Variants in ZDHHC2 observed in about 807,000 individuals in gnomAD.
ZDHHC2 encodes the protein palmitoyltransferase ZDHHC2.
In ZDHHC2, 51 loss-of-function variants were observed where a neutral mutation model predicts 55.6. That is an observed-to-expected ratio of 0.92 (90% CI 0.73 to 1.16). The LOEUF is 1.16. ZDHHC2 is among the 50% of genes most tolerant of loss of function. The pLI, the probability that ZDHHC2 is intolerant of heterozygous loss-of-function variation, is 0.00. For synonymous variants in ZDHHC2, 199 were observed against 152.9 expected (o/e 1.30, Z -2.22); for missense variants, 491 against 442.4 (o/e 1.11, Z -0.99).
chr8:17,224,596 G>GA lies in ZDHHC2; in HGVS notation c.*4384dup, dbSNP rs376115400. ...GATTGATAAAGGTGCTTAATCAATT[G>GA]AAAAAAAAACGCATAATGCTTCAAG... On this transcript the variant is annotated 3_prime_UTR_variant, in exon 13 of 13. Coordinates refer to ENST00000262096, the MANE Select transcript of ZDHHC2 (RefSeq NM_016353.5). The GA allele has an allele frequency of 6.9e-3, 1,016 of 147,890 alleles. 7 individuals are homozygous for GA. Among genetic ancestry groups the GA allele is most frequent in the African/African-American group, 0.023 (940 of 40,460 alleles). 9.2% of individuals were successfully genotyped at this position (147,890 alleles called of 1,614,324 possible).
At position 17,170,288 on chromosome 8, in the gene ZDHHC2, T is replaced by G. The variant is rs146393087; in HGVS notation, c.130+13435T>G. 4.7e-3 allele frequency among the ~76,000 whole-genome samples: 717 copies of G among 152,356 alleles called. 3 individuals carry two copies. Among genetic ancestry groups the G allele is most frequent in the Admixed American group, 0.012 (177 of 15,304 alleles). On this transcript the variant is annotated intron_variant, in intron 1 of 12. Coordinates refer to ENST00000262096, the MANE Select transcript of ZDHHC2 (RefSeq NM_016353.5). Reference sequence around the variant, plus strand: ...AATAGCTGGATACTCTCGAATGTTTTAATAGATATTGTGACCCAGTGCTAT... The same window carrying G: ...AATAGCTGGATACTCTCGAATGTTTGAATAGATATTGTGACCCAGTGCTAT...
chr8:17,185,195 A>G (rs1394127503), intron 2 of ZDHHC2, among the ~76,000 whole-genome samples: 1 of 152,234 alleles, frequency 6.6e-6, no homozygotes. Flanking sequence ...TAATGATTCT[A>G]TGAGTATCCT....
chr8:17,192,266 A>G (rs568606283), intron 3 of ZDHHC2, among the ~76,000 whole-genome samples: 1 of 152,152 alleles, frequency 6.6e-6, no homozygotes, highest in African/African-American at 2.4e-5. Flanking sequence ...GATTATAAGC[A>G]TGAGCCACTG....
intron 6 of ZDHHC2, among the ~76,000 whole-genome samples, chr8:17,202,334 AG>A (rs1806831371): frequency 6.6e-6 from 1 of 151,958 alleles, no homozygotes; most frequent in African/African-American, 2.4e-5. Context: ...CTCATTTTAC[AG>A]GGGAAAAAAA....
chr8:17,160,614 T>C (rs1253732132), intron 1 of ZDHHC2, among the ~76,000 whole-genome samples: 1 of 152,222 alleles, frequency 6.6e-6, no homozygotes, highest in African/African-American at 2.4e-5. Flanking sequence ...TCTCCAAATA[T>C]CTTAGCCCAT....
At chr8:17,196,365 C>T (rs763521690) in intron 4 of ZDHHC2, among the ~76,000 whole-genome samples, 2 of 151,966 alleles carry the variant, frequency 1.3e-5, no homozygotes, top group Admixed American at 1.3e-4. Flanking sequence ...ACACTGGTTT[C>T]AAAGACTTAG....
At chr8:17,171,941 C>A (rs1276954063) in intron 1 of ZDHHC2, among the ~76,000 whole-genome samples, 1 of 151,912 alleles carries the variant, frequency 6.6e-6, no homozygotes, top group Non-Finnish European at 1.5e-5. Flanking sequence ...GGTTCTTTCA[C>A]TGGCAGCCCC....
At chr8:17,183,223 T>C (rs1805524344) in intron 1 of ZDHHC2, among the ~76,000 whole-genome samples, 1 of 152,310 alleles carries the variant, frequency 6.6e-6, no homozygotes, top group African/African-American at 2.4e-5. Context: ...TCAAATTGCT[T>C]TTCCTTTCCT....
At chr8:17,164,589 T>G (rs562585074) in intron 1 of ZDHHC2, among the ~76,000 whole-genome samples, 1 of 150,302 alleles carries the variant, frequency 6.7e-6, no homozygotes, top group African/African-American at 2.5e-5. Context: ...AAATATACAC[T>G]AAACAATAAA....
intron 1 of ZDHHC2, among the ~76,000 whole-genome samples, chr8:17,179,459 A>C (rs1344968986): frequency 6.6e-6 from 1 of 152,032 alleles, no homozygotes; most frequent in East Asian, 1.9e-4. Flanking sequence ...CACAGGCTGG[A>C]GTACAGTGAT....
At position 17,189,775 on chromosome 8, in the gene ZDHHC2, G is replaced by A. The variant is rs558411587; in HGVS notation, c.252+3350G>A. Among the ~76,000 whole-genome samples the A allele has an allele frequency of 5.3e-5, 8 of 152,328 alleles. No homozygotes were observed. The East Asian group carries it at 1.4e-3, about 26-fold the overall frequency. On this transcript the variant is annotated intron_variant, in intron 3 of 12. Coordinates refer to ENST00000262096, the MANE Select transcript of ZDHHC2 (RefSeq NM_016353.5). The stretch of plus-strand genomic sequence containing the variant: ...TGAAGGAGCAGTCAAATCGATGACA[G>A]TGACATTATAACGGTATCAGGCTTC...
intron 3 of ZDHHC2, among the ~76,000 whole-genome samples, chr8:17,189,041 G>C (rs932859225): frequency 6.7e-5 from 10 of 149,962 alleles, no homozygotes. Context: ...CCCGGTCCAA[G>C]CCACCATCCT....
intron 3 of ZDHHC2, among the ~76,000 whole-genome samples, chr8:17,193,680 G>C (rs1199113774): frequency 2.0e-5 from 3 of 152,242 alleles, no homozygotes; most frequent in African/African-American, 7.2e-5. Context: ...CAGATCCAAA[G>C]ACTGCAGTCA....
intron 12 of ZDHHC2, 128 bp downstream of exon 12, chr8:17,217,374 G>T: frequency 1.5e-6 from 1 of 684,366 alleles, no homozygotes; most frequent in East Asian, 3.0e-5. Flanking sequence ...TACCTGACTT[G>T]TGAGATTGCA....
At chr8:17,168,742 A>G (rs2952126) in intron 1 of ZDHHC2, among the ~76,000 whole-genome samples, 3,830 of 152,008 alleles carry the variant, frequency 0.025, 147 homozygotes, top group African/African-American at 0.076. Context: ...GGAATCATAC[A>G]ATATTTGTCC....
intron 1 of ZDHHC2, among the ~76,000 whole-genome samples, chr8:17,183,387 C>G (rs1477927670): frequency 1.3e-5 from 2 of 152,198 alleles, no homozygotes; most frequent in Non-Finnish European, 2.9e-5. Flanking sequence ...TGCCTCAAGC[C>G]TCTCCTGTGC....
chr8:17,183,895 G>A (rs1215456566), intron 1 of ZDHHC2, among the ~76,000 whole-genome samples: 1 of 152,008 alleles, frequency 6.6e-6, no homozygotes, highest in Non-Finnish European at 1.5e-5. Context: ...AGATTGGTTG[G>A]ACTGAGCAAT....
intron 1 of ZDHHC2, among the ~76,000 whole-genome samples, chr8:17,159,504 G>A (rs1804225378): frequency 6.6e-6 from 1 of 152,154 alleles, no homozygotes; most frequent in African/African-American, 2.4e-5. Flanking sequence ...TAGGAGTAGT[G>A]CTTATCCTGG....
chr8:17,188,410 A>T (rs1306678807), intron 3 of ZDHHC2, among the ~76,000 whole-genome samples: 1 of 152,284 alleles, frequency 6.6e-6, no homozygotes, highest in Admixed American at 6.5e-5. Context: ...TTTATACTTT[A>T]TACTCTAGTA....
Sources: gnomAD v4.1 joint callset for allele counts (sites outside exome capture counted in the v4.1 genomes callset) on GRCh38, gnomAD v4.1.1 for gene constraint, MANE v1.5 for transcripts, NCBI Gene and HGNC (gene_info 2026-07-23, HGNC 2026-07-21) for gene names.